SRD5A3: variants seen among roughly 807,000 people sequenced by gnomAD.
SRD5A3 encodes the protein steroid 5 alpha-reductase 3, also known as polyprenal reductase.
A neutral mutation model predicts 34.3 loss-of-function variants in SRD5A3; 24 were observed. The observed-to-expected ratio is 0.70, with a 90% CI of 0.51 to 0.99. SRD5A3 has a LOEUF of 0.99. Among genes scored for constraint, SRD5A3 ranks in the 50% least tolerant of loss-of-function variants. The probability of loss-of-function intolerance (pLI) is 0.00; values close to 1 mark genes in which losing one functional copy is unlikely to be tolerated. For missense variants in SRD5A3, 350 were observed against 388.2 expected (o/e 0.90, Z 0.83); for synonymous variants, 161 against 167.3 (o/e 0.96, Z 0.29).
chr4:55,347,600 C>T (rs534890350), intron 1 of SRD5A3, among the ~76,000 whole-genome samples: 7 of 152,104 alleles, frequency 4.6e-5, no homozygotes, highest in Non-Finnish European at 8.8e-5. Context: ...TGCACTCTAG[C>T]CTGGGCAACA....
chr4:55,368,295 C>G (rs1475300638), intron 4 of SRD5A3, among the ~76,000 whole-genome samples: 1 of 151,344 alleles, frequency 6.6e-6, no homozygotes, highest in Non-Finnish European at 1.5e-5. Flanking sequence ...ACTAGAATCA[C>G]TTGAACCTGG....
At position 55,346,256 on chromosome 4, in the gene SRD5A3, G is replaced by T. The variant is rs1718985280; in HGVS notation, c.-81G>T. On this transcript the variant is annotated 5_prime_UTR_variant, in exon 1 of 5. Transcript: ENST00000264228. ...GACGTCCCGCTAGGCTGAGACCGGT[G>T]CGCCGCGCGCTAGTGGCCGCTCTTC... 8 of 1,198,596 alleles carry T rather than the reference G, an allele frequency of 6.7e-6. No individual in the cohort carries two copies. The highest frequency in any genetic ancestry group is 3.2e-5 in the African/African-American group (2 of 62,738). 74.2% of individuals were successfully genotyped at this position (1,198,596 alleles called of 1,614,324 possible). A position where few individuals can be genotyped will look rare whatever the true frequency, so the allele number is the denominator to read the frequency against.
At chr4:55,354,592 C>T (rs1719360953) in intron 1 of SRD5A3, among the ~76,000 whole-genome samples, 1 of 152,146 alleles carries the variant, frequency 6.6e-6, no homozygotes. Flanking sequence ...CCTGCACTGC[C>T]TGTTTCACTC....
intron 3 of SRD5A3, chr4:55,366,504 C>T (rs939131380): frequency 6.6e-6 from 1 of 152,102 alleles, no homozygotes; most frequent in African/African-American, 2.4e-5. Context: ...AAAATATAAC[C>T]TAGTAGTTAA....
At position 55,359,401 on chromosome 4, in the gene SRD5A3, T is replaced by C; in HGVS notation, c.277T>C (p.Cys93Arg). The change falls in exon 2 of 5, where the codon TGC becomes CGC. Residue 93 changes from cysteine to arginine, a missense_variant. Cys to Arg is a radical substitution (Grantham distance 180). Around this residue, in one of 3 missense-constraint regions of SRD5A3, gnomAD observed 159 missense variants for 149.1 expected, o/e 1.07. Coordinates refer to ENST00000264228, the MANE Select transcript of SRD5A3 (RefSeq NM_024592.5). ...SVLWNGFLLW[C>R]LTQSLFLGAP... ...GCTGTGGAATGGCTTCCTGCTTTGG[T>C]GCCTTACTCAATCTCTGTTCCTGGG... is the stretch of plus-strand genomic sequence containing the variant. 6.2e-7 allele frequency: 1 copy of C among 1,614,124 alleles called. No individual in the cohort carries two copies. The highest frequency in any genetic ancestry group is 1.3e-5 in the African/African-American group (1 of 75,022).
intron 1 of SRD5A3, among the ~76,000 whole-genome samples, chr4:55,354,824 G>A (rs544958854): frequency 2.0e-5 from 3 of 151,428 alleles, no homozygotes; most frequent in East Asian, 1.9e-4. Context: ...GTGTGCGCGC[G>A]TGCGTGCGCG....
intron 3 of SRD5A3, among the ~76,000 whole-genome samples, chr4:55,365,402 T>C (rs542350060): frequency 6.6e-6 from 1 of 152,364 alleles, no homozygotes; most frequent in East Asian, 1.9e-4. Context: ...TCATGAATTA[T>C]TGATTGGCTC....
chr4:55,359,628 A>C (rs1264791459), intron 2 of SRD5A3, 140 bp downstream of exon 2: 1 of 1,131,868 alleles, frequency 8.8e-7, no homozygotes, highest in East Asian at 2.5e-5. Context: ...AGGGCAAAAA[A>C]GAGCTTTGCA....
At chr4:55,353,294 T>C (rs1297397235) in intron 1 of SRD5A3, among the ~76,000 whole-genome samples, 1 of 152,178 alleles carries the variant, frequency 6.6e-6, no homozygotes, top group African/African-American at 2.4e-5. Flanking sequence ...CAGCGCTCTG[T>C]GTCTAGCTAA....
chr4:55,357,703 A>T (rs78595358), intron 1 of SRD5A3, among the ~76,000 whole-genome samples: 5,763 of 152,278 alleles, frequency 0.038, 344 homozygotes, highest in African/African-American at 0.13. Flanking sequence ...ATAGAATTTT[A>T]TTTATTTATT....
intron 1 of SRD5A3, among the ~76,000 whole-genome samples, chr4:55,350,784 A>G (rs1578201128): frequency 1.5e-5 from 1 of 66,326 alleles, no homozygotes; most frequent in Non-Finnish European, 2.9e-5. Context: ...TTTTTTTTTG[A>G]GACAGTCTTA....
intron 1 of SRD5A3, chr4:55,359,038 G>C: frequency 2.6e-6 from 1 of 377,802 alleles, no homozygotes. Context: ...TTGGGAACTT[G>C]AGTCCAATTC....
intron 1 of SRD5A3, among the ~76,000 whole-genome samples, chr4:55,349,570 T>C (rs1468789019): frequency 6.6e-6 from 1 of 152,168 alleles, no homozygotes; most frequent in East Asian, 1.9e-4. Flanking sequence ...TGGTTGCTTT[T>C]TTTTGTTTTC....
At chr4:55,367,859 G>A in intron 4 of SRD5A3, 137 bp downstream of exon 4, 1 of 1,126,266 alleles carries the variant, frequency 8.9e-7, no homozygotes. Flanking sequence ...CACTTCTCTG[G>A]GCCTTGATCT....
intron 4 of SRD5A3, chr4:55,369,572 A>G (rs1377257911): frequency 1.0e-5 from 5 of 491,568 alleles, no homozygotes; most frequent in South Asian, 2.3e-5. Flanking sequence ...TCTACAAAAA[A>G]TTCAAAAAAT....
rs965626333 is a variant in SRD5A3, at chr4:55,371,443, T to A, written c.*1352T>A. On this transcript the variant is annotated 3_prime_UTR_variant, in exon 5 of 5. Coordinates refer to ENST00000264228, the MANE Select transcript of SRD5A3 (RefSeq NM_024592.5). ...ACTGCACACTTGTGCAGCGTAAGATTCTCTGGCTTATTGGCTGAGGTGTTA... is the reference window on the plus strand; with the variant it reads ...ACTGCACACTTGTGCAGCGTAAGATACTCTGGCTTATTGGCTGAGGTGTTA... 2 of 152,236 alleles carry A rather than the reference T, an allele frequency of 1.3e-5. No individual in the cohort carries two copies. Among genetic ancestry groups the A allele is most frequent in the African/African-American group, 4.8e-5 (2 of 41,460 alleles). 9.4% of individuals were successfully genotyped at this position (152,236 alleles called of 1,614,324 possible). A position where few individuals can be genotyped will look rare whatever the true frequency, so the allele number is the denominator to read the frequency against.
chr4:55,351,228 T>G lies in SRD5A3; in HGVS notation c.221+4671T>G, dbSNP rs546684593. On this transcript the variant is annotated intron_variant, in intron 1 of 4. Transcript: ENST00000264228. ...CAGGGAACACAGGTACGTGCCACCATGCCCGGCCAGTTTTTGCATTTTTAG... is the reference window on the plus strand; with the variant it reads ...CAGGGAACACAGGTACGTGCCACCAGGCCCGGCCAGTTTTTGCATTTTTAG... Among the ~76,000 whole-genome samples the G allele has an allele frequency of 3.3e-5, 5 of 151,970 alleles. No individual in the cohort carries two copies. The South Asian group carries it at 1.0e-3, about 32-fold the overall frequency.
At chr4:55,347,756 C>T (rs1021001625) in intron 1 of SRD5A3, among the ~76,000 whole-genome samples, 5 of 152,064 alleles carry the variant, frequency 3.3e-5, no homozygotes, top group Admixed American at 1.3e-4. Context: ...GGATAATCTG[C>T]GAATTTTGAC....
At chr4:55,346,697 C>T in intron 1 of SRD5A3, 140 bp downstream of exon 1, 1 of 769,854 alleles carries the variant, frequency 1.3e-6, no homozygotes, top group Non-Finnish European at 1.9e-6. Context: ...CGCAGCACGG[C>T]GCTCCCTCGG....
Sources: gnomAD v4.1 joint callset for allele counts (sites outside exome capture counted in the v4.1 genomes callset) on GRCh38, gnomAD v4.1.1 for gene constraint, gnomAD v4.1.1 regional missense constraint, MANE v1.5 for transcripts, NCBI Gene and HGNC (gene_info 2026-07-23, HGNC 2026-07-21) for gene names.